The following ETV6 variants were observed in gnomAD, a reference collection of about 807,000 sequenced individuals.
ETV6 encodes the protein ETS variant transcription factor 6.
ETV6 carries 16 observed loss-of-function variants against 51.1 expected under a neutral mutation model. That is an observed-to-expected ratio of 0.31 (90% CI 0.21 to 0.48). ETV6 has a LOEUF of 0.48. ETV6 is among the 20% of genes least tolerant of loss of function. The probability of loss-of-function intolerance (pLI) is 0.99; values close to 1 mark genes in which losing one functional copy is unlikely to be tolerated. For missense variants in ETV6, 458 were observed against 594.8 expected, an observed-to-expected ratio of 0.77 and a Z score of 2.39; for synonymous variants, 240 against 224.1, an observed-to-expected ratio of 1.07 and a Z score of -0.64.
intron 2 of ETV6, among the ~76,000 whole-genome samples, chr12:11,808,444 CAAA>C (rs76127717): frequency 1.5e-5 from 2 of 135,848 alleles, no homozygotes; most frequent in African/African-American, 5.4e-5. Flanking sequence ...AAACAAAAAA[CAAA>C]AAAAAAAAAC....
Position 11,770,238 on chromosome 12 carries a change from T to C in ETV6, c.163+17659T>C, listed in dbSNP as rs541548274. On this transcript the variant is annotated intron_variant, in intron 2 of 7. Coordinates refer to ENST00000396373, the MANE Select transcript of ETV6 (RefSeq NM_001987.5). ...AGACCATCAGGCCTTGCTTTGGATA[T>C]TGGGAGGTGACAGTGCCTTCTCACG... Among the ~76,000 whole-genome samples, 6 of 152,114 alleles carry C rather than the reference T, an allele frequency of 3.9e-5. No individual in the cohort carries two copies. The East Asian group carries it at 7.7e-4, about 20-fold the overall frequency.
intron 3 of ETV6, among the ~76,000 whole-genome samples, chr12:11,848,009 A>T (rs1324143172): frequency 6.6e-6 from 1 of 152,256 alleles, no homozygotes; most frequent in African/African-American, 2.4e-5. Flanking sequence ...CATCCATATG[A>T]ATGTGACTTT....
rs183720726 is a variant in ETV6, at chr12:11,662,154, G to A, written c.33+11994G>A. Among the ~76,000 whole-genome samples, 5 of 152,274 alleles carry A rather than the reference G, an allele frequency of 3.3e-5. No individual in the cohort carries two copies. In the East Asian group the frequency reaches 9.6e-4, roughly 29 times the overall value. On this transcript the variant is annotated intron_variant, in intron 1 of 7. Transcript: ENST00000396373. ...CCATCTACCCTTAGAAAATGAACAA[G>A]GAGCCACTGACATAGACAGCAAGTA...
intron 2 of ETV6, among the ~76,000 whole-genome samples, chr12:11,787,278 C>A (rs1011186909): frequency 1.3e-5 from 2 of 152,152 alleles, no homozygotes; most frequent in Non-Finnish European, 2.9e-5. Context: ...TGGCCACTCA[C>A]CACATACGGC....
intron 1 of ETV6, among the ~76,000 whole-genome samples, chr12:11,715,394 A>G (rs1339258575): frequency 6.6e-6 from 1 of 152,226 alleles, no homozygotes; most frequent in Non-Finnish European, 1.5e-5. Context: ...TACTAGATAC[A>G]TAGTGAGTGC....
chr12:11,688,162 A>T (rs903636382), intron 1 of ETV6, among the ~76,000 whole-genome samples: 1 of 152,180 alleles, frequency 6.6e-6, no homozygotes, highest in African/African-American at 2.4e-5. Flanking sequence ...AGGGTGGTCT[A>T]GGAGAACTGG....
Position 11,708,433 on chromosome 12 carries a change from T to A in ETV6, c.34-44017T>A, listed in dbSNP as rs1865112148. ...CTTAGCAAGAAGTATAATGGTGCTG[T>A]AACTGCGTTTTCTTAAGGAAACTTG... On this transcript the variant is annotated intron_variant, in intron 1 of 7. Transcript: ENST00000396373. Among the ~76,000 whole-genome samples, 3 of 152,342 alleles carry A rather than the reference T, an allele frequency of 2.0e-5. No homozygotes were observed. In the South Asian group the frequency reaches 6.2e-4, roughly 32 times the overall value.
chr12:11,784,376 T>G (rs1945451679), intron 2 of ETV6, among the ~76,000 whole-genome samples: 1 of 151,572 alleles, frequency 6.6e-6, no homozygotes, highest in Admixed American at 6.6e-5. Context: ...GGAAGATTGC[T>G]TGAACCCTGG....
chr12:11,791,400 GTTCA>G (rs1450500578), intron 2 of ETV6, among the ~76,000 whole-genome samples: 2 of 152,186 alleles, frequency 1.3e-5, no homozygotes, highest in African/African-American at 4.8e-5. Flanking sequence ...CAAAATACGT[GTTCA>G]TGTGTATGTC....
At chr12:11,709,536 G>A (rs564952114) in intron 1 of ETV6, among the ~76,000 whole-genome samples, 3 of 152,210 alleles carry the variant, frequency 2.0e-5, no homozygotes, top group South Asian at 2.1e-4. Flanking sequence ...TCTAGTAATT[G>A]TGATATAGGA....
At chr12:11,857,706 G>C (rs1490341283) in intron 4 of ETV6, among the ~76,000 whole-genome samples, 2 of 152,158 alleles carry the variant, frequency 1.3e-5, no homozygotes, top group Non-Finnish European at 2.9e-5. Flanking sequence ...GTGTGAGTAT[G>C]TATGTATATT....
intron 1 of ETV6, among the ~76,000 whole-genome samples, chr12:11,665,089 C>CCA (rs1293500731): frequency 1.3e-5 from 2 of 152,344 alleles, no homozygotes; most frequent in East Asian, 3.9e-4. Flanking sequence ...CTCACTGCAA[C>CCA]CACTGCCTTC....
chr12:11,889,650 A>G (rs1278100571), intron 7 of ETV6, among the ~76,000 whole-genome samples: 1 of 152,198 alleles, frequency 6.6e-6, no homozygotes, highest in Non-Finnish European at 1.5e-5. Context: ...ATGGGAGAGC[A>G]TGCGCCATGA....
chr12:11,768,479 C>T (rs1193854895), intron 2 of ETV6, among the ~76,000 whole-genome samples: 3 of 152,108 alleles, frequency 2.0e-5, no homozygotes, highest in Non-Finnish European at 4.4e-5. Flanking sequence ...GGTAGCAGAG[C>T]CAGAATTTGA....
At chr12:11,670,767 A>G (rs1864298430) in intron 1 of ETV6, among the ~76,000 whole-genome samples, 1 of 152,258 alleles carries the variant, frequency 6.6e-6, no homozygotes, top group South Asian at 2.1e-4. Context: ...AGTGGCCTTT[A>G]ATAGCTTTCA....
intron 1 of ETV6, among the ~76,000 whole-genome samples, chr12:11,704,226 T>C (rs991399777): frequency 6.6e-6 from 1 of 152,214 alleles, no homozygotes; most frequent in African/African-American, 2.4e-5. Context: ...ACATGCTGGC[T>C]GAATGAATCA....
chr12:11,828,287 A>G (rs1202369066), intron 2 of ETV6, among the ~76,000 whole-genome samples: 1 of 152,210 alleles, frequency 6.6e-6, no homozygotes, highest in African/African-American at 2.4e-5. Flanking sequence ...ACTATGAAGA[A>G]AAACTTTCAA....
intron 2 of ETV6, among the ~76,000 whole-genome samples, chr12:11,766,251 T>C (rs1477203998): frequency 6.6e-6 from 1 of 152,212 alleles, no homozygotes. Context: ...TGAGGGAAAT[T>C]TCCTTTTTGG....
chr12:11,813,012 T>C (rs1456548291), intron 2 of ETV6, among the ~76,000 whole-genome samples: 1 of 152,058 alleles, frequency 6.6e-6, no homozygotes, highest in Non-Finnish European at 1.5e-5. Context: ...AGGGAGTGCA[T>C]GGGGTAGGCT....
Sources: allele counts gnomAD v4.1 joint callset (sites outside exome capture counted in the v4.1 genomes callset), GRCh38; gene constraint gnomAD v4.1.1; transcripts MANE v1.5; gene names NCBI Gene and HGNC (gene_info 2026-07-23, HGNC 2026-07-21).